SMIM35: variants seen among roughly 807,000 people sequenced by gnomAD.
The protein encoded by SMIM35 is small integral membrane protein 35.
chr11:118,009,751 G>A (rs1376806687), intron 4 of SMIM35, among the ~76,000 whole-genome samples: 1 of 151,084 alleles, frequency 6.6e-6, no homozygotes, highest in Non-Finnish European at 1.5e-5. Context: ...AAAAGTAGAT[G>A]AGGTCTTTGC....
At chr11:118,048,566 G>A (rs199867660) in intron 1 of SMIM35, among the ~76,000 whole-genome samples, 16 of 78,018 alleles carry the variant, frequency 2.1e-4, no homozygotes, top group Non-Finnish European at 3.9e-4. Context: ...AGGAAGGAAG[G>A]AAGGAAGGAA....
chr11:118,069,803 T>C (rs1037394051), intron 1 of SMIM35, among the ~76,000 whole-genome samples: 2 of 152,186 alleles, frequency 1.3e-5, no homozygotes, highest in Admixed American at 6.5e-5. Flanking sequence ...GGCTCGTGCC[T>C]GTAATCCCAA....
intron 1 of SMIM35, among the ~76,000 whole-genome samples, chr11:118,076,412 A>C (rs1944688814): frequency 6.6e-6 from 1 of 152,094 alleles, no homozygotes; most frequent in Non-Finnish European, 1.5e-5. Context: ...GCGCCCCTGC[A>C]CTCCAGCCTG....
chr11:118,014,109 C>T (rs1039326090), intron 3 of SMIM35, among the ~76,000 whole-genome samples: 2 of 152,174 alleles, frequency 1.3e-5, no homozygotes, highest in Non-Finnish European at 2.9e-5. Context: ...CCCTGAATCC[C>T]TGATTTTCTG....
intron 1 of SMIM35, among the ~76,000 whole-genome samples, chr11:118,016,680 G>A (rs923254039): frequency 2.6e-5 from 4 of 152,198 alleles, no homozygotes; most frequent in Non-Finnish European, 5.9e-5. Context: ...CAAGCTGTGA[G>A]ACCCTGACAC....
At chr11:118,038,349 T>A (rs1481291567) in intron 1 of SMIM35, among the ~76,000 whole-genome samples, 1 of 152,228 alleles carries the variant, frequency 6.6e-6, no homozygotes, top group Admixed American at 6.5e-5. Flanking sequence ...TGGGAAAGAA[T>A]AACACCCACG....
intron 1 of SMIM35, among the ~76,000 whole-genome samples, chr11:118,051,876 C>CTAATACTATACTAATAT (rs1944221865): frequency 6.6e-6 from 1 of 152,102 alleles, no homozygotes; most frequent in African/African-American, 2.4e-5. Flanking sequence ...TATACTAATA[C>CTAATACTATACTAATAT]TAATACTCTT....
At chr11:118,042,289 G>T (rs562126461) in intron 1 of SMIM35, among the ~76,000 whole-genome samples, 18 of 152,100 alleles carry the variant, frequency 1.2e-4, no homozygotes, top group Non-Finnish European at 2.5e-4. Context: ...GGACATTGTT[G>T]TCAACGTTAC....
chr11:118,079,056 C>T (rs373683828), intron 1 of SMIM35, among the ~76,000 whole-genome samples: 4 of 151,758 alleles, frequency 2.6e-5, no homozygotes, highest in East Asian at 3.9e-4. Context: ...GCTGGAGGAG[C>T]GGGGGAGGGC....
At chr11:118,013,938 C>A in intron 3 of SMIM35, 58 bp from the exon 4 acceptor site, 1 of 398,566 alleles carries the variant, frequency 2.5e-6, no homozygotes, top group South Asian at 1.3e-4. Context: ...CTCCCTGGGT[C>A]CCCATCTCCC....
At chr11:118,076,835 G>C (rs1944706039) in intron 1 of SMIM35, among the ~76,000 whole-genome samples, 1 of 152,124 alleles carries the variant, frequency 6.6e-6, no homozygotes, top group Admixed American at 6.5e-5. Context: ...TAGGGGGAGG[G>C]GGGGCGGAAA....
chr11:118,015,270 T>C (rs1014235452), intron 2 of SMIM35, among the ~76,000 whole-genome samples: 38 of 152,056 alleles, frequency 2.5e-4, no homozygotes, highest in Middle Eastern at 3.4e-3. Context: ...CACAGCAAAT[T>C]CCAGGAGACT....
At chr11:118,078,229 C>G (rs1373725416) in intron 1 of SMIM35, among the ~76,000 whole-genome samples, 3 of 151,968 alleles carry the variant, frequency 2.0e-5, no homozygotes, top group Non-Finnish European at 4.4e-5. Context: ...AGCTGAGGGC[C>G]AGGGAGGGGA....
chr11:118,057,396 G>A (rs1390084180), intron 1 of SMIM35, among the ~76,000 whole-genome samples: 1 of 152,132 alleles, frequency 6.6e-6, no homozygotes, highest in East Asian at 1.9e-4. Flanking sequence ...TTGGGGGAGG[G>A]GAGTCCTGAT....
chr11:118,054,132 T>C (rs767367013), intron 1 of SMIM35, among the ~76,000 whole-genome samples: 9 of 151,562 alleles, frequency 5.9e-5, no homozygotes, highest in Non-Finnish European at 1.2e-4. Flanking sequence ...ATTTGTTTTA[T>C]GCAGGGTTTT....
At chr11:118,035,308 G>T (rs756562607) in intron 1 of SMIM35, among the ~76,000 whole-genome samples, 1 of 152,022 alleles carries the variant, frequency 6.6e-6, no homozygotes. Context: ...TCTCATGCCA[G>T]CCCTTGAATT....
chr11:118,035,946 G>C (rs1565386960), intron 1 of SMIM35, among the ~76,000 whole-genome samples: 1 of 152,202 alleles, frequency 6.6e-6, no homozygotes, highest in East Asian at 1.9e-4. Flanking sequence ...GGAGTGCAGT[G>C]GCACAGTCTC....
intron 4 of SMIM35, among the ~76,000 whole-genome samples, 186 bp from the exon 5 acceptor site, chr11:118,006,562 C>T (rs1294512095): frequency 1.3e-5 from 2 of 152,154 alleles, no homozygotes; most frequent in Non-Finnish European, 2.9e-5. Flanking sequence ...GTGCTCAATA[C>T]TCAATAAATT....
Position 118,013,867 on chromosome 11 carries a change from G to T in SMIM35, c.172C>A (p.Leu58Met). The T allele has an allele frequency of 2.5e-6, 1 of 399,074 alleles. No homozygotes were observed. Among genetic ancestry groups the T allele is most frequent in the Admixed American group, 4.4e-5 (1 of 22,726 alleles). 24.7% of individuals were successfully genotyped at this position (399,074 alleles called of 1,614,324 possible). Residue 58 changes from leucine (L) to methionine (M), a missense_variant, in exon 4 of 5, where the codon CTG becomes ATG. Transcript: ENST00000689828. The stretch of plus-strand genomic sequence containing the variant: ...ATGGTGAAGGGTGGACCCATCTCCA[G>T]ATCCTTCAGGTTCCTGAAAAAGATG... Reference protein sequence around the residue: ...NLYQIRNLKDLEMGPPFTISG... With the variant: ...NLYQIRNLKDMEMGPPFTISG...
Sources: allele counts gnomAD v4.1 joint callset (sites outside exome capture counted in the v4.1 genomes callset), GRCh38; gene constraint gnomAD v4.1.1; transcripts MANE v1.5; gene names NCBI Gene and HGNC (gene_info 2026-07-23, HGNC 2026-07-21).